FANCC: variants seen among roughly 807,000 people sequenced by gnomAD.
FANCC encodes the protein FA complementation group C.
A neutral mutation model predicts 71.3 loss-of-function variants in FANCC; 55 were observed. The observed-to-expected ratio is 0.77, with a 90% confidence interval of 0.62 to 0.97. The LOEUF is 0.97. Among genes scored for constraint, FANCC ranks in the 50% least tolerant of loss-of-function variants. The pLI is 0.00. For missense variants in FANCC, 678 were observed against 670.9 expected, an observed-to-expected ratio of 1.01 and a Z score of -0.12; for synonymous variants, 275 against 244.9, an observed-to-expected ratio of 1.12 and a Z score of -1.15.
intron 1 of FANCC, among the ~76,000 whole-genome samples, chr9:95,307,623 C>CTAA (rs1319338918): frequency 6.6e-6 from 1 of 152,144 alleles, no homozygotes; most frequent in African/African-American, 2.4e-5. Context: ...AGACAAAGGT[C>CTAA]ATAAATTCAA....
intron 13 of FANCC, among the ~76,000 whole-genome samples, chr9:95,108,910 T>G (rs1388479087): frequency 1.7e-5 from 1 of 58,132 alleles, no homozygotes; most frequent in East Asian, 1.1e-3. Flanking sequence ...CTTCAAGACC[T>G]TTTTTTTTTT....
chr9:95,113,508 A>T (rs371305641), intron 12 of FANCC, among the ~76,000 whole-genome samples: 45 of 152,250 alleles, frequency 3.0e-4, no homozygotes, highest in African/African-American at 1.1e-3. Context: ...TTAAGAAATT[A>T]ACAAGCCAGG....
At chr9:95,241,522 CT>C (rs1387534101) in intron 3 of FANCC, among the ~76,000 whole-genome samples, 2 of 152,076 alleles carry the variant, frequency 1.3e-5, no homozygotes, top group East Asian at 3.9e-4. Context: ...AAAATGGGGC[CT>C]AGAAACTGAA....
intron 4 of FANCC, among the ~76,000 whole-genome samples, chr9:95,199,797 G>A (rs765614623): frequency 2.0e-5 from 3 of 152,060 alleles, no homozygotes; most frequent in Non-Finnish European, 2.9e-5. Flanking sequence ...TGCTGTTTAG[G>A]TGAAACCTTT....
chr9:95,309,228 T>C (rs1489828499), intron 1 of FANCC, among the ~76,000 whole-genome samples: 3 of 152,202 alleles, frequency 2.0e-5, no homozygotes, highest in African/African-American at 4.8e-5. Context: ...AAAATTCTAA[T>C]GGTACTAGTC....
chr9:95,109,742 G>A (rs2071759691), intron 13 of FANCC: 1 of 152,238 alleles, frequency 6.6e-6, no homozygotes, highest in Admixed American at 6.5e-5. Flanking sequence ...GCCACCAGCT[G>A]ATTTAATTGT....
intron 11 of FANCC, 126 bp downstream of exon 11, chr9:95,117,189 G>A (rs1025012461): frequency 3.5e-6 from 3 of 853,206 alleles, no homozygotes; most frequent in Non-Finnish European, 5.8e-6. Context: ...GGGCTTAAAG[G>A]GATCTTAGAA....
intron 4 of FANCC, among the ~76,000 whole-genome samples, chr9:95,207,894 G>C (rs1321658531): frequency 6.6e-6 from 1 of 151,880 alleles, no homozygotes; most frequent in Non-Finnish European, 1.5e-5. Context: ...CTGTCTTTTC[G>C]GTGTTTATTT....
intron 4 of FANCC, among the ~76,000 whole-genome samples, chr9:95,211,186 T>C (rs1456717374): frequency 1.3e-5 from 2 of 152,218 alleles, no homozygotes; most frequent in Admixed American, 1.3e-4. Context: ...ATCCCTATGA[T>C]TGGCCTGGCT....
At chr9:95,249,408 C>T (rs1366691812) in intron 1 of FANCC, 39 bp from the exon 2 acceptor site, 7 of 1,080,680 alleles carry the variant, frequency 6.5e-6, no homozygotes, top group Non-Finnish European at 9.7e-6. Context: ...TTCTAAAAGG[C>T]TCTTTTATCA....
At chr9:95,305,471 TG>T (rs1835022993) in intron 1 of FANCC, among the ~76,000 whole-genome samples, 2 of 152,236 alleles carry the variant, frequency 1.3e-5, no homozygotes, top group Non-Finnish European at 2.9e-5. Context: ...CACAAAAAAA[TG>T]TGCTTCAAAT....
chr9:95,285,026 G>GAA (rs35393511), intron 1 of FANCC, among the ~76,000 whole-genome samples: 6 of 148,732 alleles, frequency 4.0e-5, no homozygotes, highest in South Asian at 2.1e-4. Context: ...TCTAAATACT[G>GAA]AAAAAAAAAG....
In FANCC at chr9:95,221,804, T is replaced by C. The variant is rs1255327801; in HGVS notation, c.345+18845A>G. Among the ~76,000 whole-genome samples the C allele has an allele frequency of 2.0e-5, 3 of 152,114 alleles. No homozygotes were observed. In the South Asian group the frequency reaches 6.2e-4, roughly 32 times the overall value. Reference sequence around the variant, plus strand: ...CAGGGAAATTCATACCAAAACCACTTTGAGAGACTGCTATACATCCATGAG... The same window carrying C: ...CAGGGAAATTCATACCAAAACCACTCTGAGAGACTGCTATACATCCATGAG... On this transcript the variant is annotated intron_variant, in intron 4 of 14. Coordinates refer to ENST00000289081, the MANE Select transcript of FANCC (RefSeq NM_000136.3).
chr9:95,281,705 TTAAAAA>T (rs1358718034), intron 1 of FANCC, among the ~76,000 whole-genome samples: 2 of 152,000 alleles, frequency 1.3e-5, no homozygotes, highest in Non-Finnish European at 2.9e-5. Context: ...GACAACACAA[TTAAAAA>T]TAATAGCTAC....
intron 4 of FANCC, among the ~76,000 whole-genome samples, chr9:95,194,825 C>T (rs1827325014): frequency 6.6e-6 from 1 of 152,088 alleles, no homozygotes; most frequent in Non-Finnish European, 1.5e-5. Flanking sequence ...TCACAGAACA[C>T]AAGGTTTTAG....
chr9:95,171,874 C>T (rs1030479749), intron 5 of FANCC, among the ~76,000 whole-genome samples, 163 bp downstream of exon 5: 3 of 152,176 alleles, frequency 2.0e-5, no homozygotes. Context: ...TCCCATCTCA[C>T]ATTTCTTCCG....
chr9:95,294,537 T>C, intron 1 of FANCC: 1 of 1,546,956 alleles, frequency 6.5e-7, no homozygotes, highest in Non-Finnish European at 8.9e-7. Flanking sequence ...CCATGAGTAC[T>C]GATTCATCTG....
intron 4 of FANCC, among the ~76,000 whole-genome samples, chr9:95,176,566 T>A (rs1479933340): frequency 1.3e-5 from 2 of 152,256 alleles, no homozygotes; most frequent in Non-Finnish European, 2.9e-5. Flanking sequence ...AACCACAATT[T>A]ACCAAGTGCT....
chr9:95,292,668 CAG>C (rs1231394488), intron 1 of FANCC: 26 of 1,339,864 alleles, frequency 1.9e-5, no homozygotes, highest in Non-Finnish European at 2.5e-5. Flanking sequence ...CCACCGCATG[CAG>C]TATAGCACAG....
Sources: allele counts gnomAD v4.1 joint callset (sites outside exome capture counted in the v4.1 genomes callset), GRCh38; gene constraint gnomAD v4.1.1; transcripts MANE v1.5; gene names NCBI Gene and HGNC (gene_info 2026-07-23, HGNC 2026-07-21).